The following FARS2 variants were observed in gnomAD, a reference collection of about 807,000 sequenced individuals.
FARS2 encodes phenylalanyl-tRNA synthetase 2, mitochondrial, also known as phenylalanine--tRNA ligase, mitochondrial.
In FARS2, 40 loss-of-function variants were observed where a neutral mutation model predicts 46.4. The observed-to-expected ratio is 0.86, with a 90% CI of 0.67 to 1.12. The LOEUF (loss-of-function observed/expected upper bound fraction) is 1.12, where lower values mean the gene tolerates loss of function less well. Among genes scored for constraint, FARS2 ranks in the 50% most tolerant of loss-of-function variants. The pLI, the probability that FARS2 is intolerant of heterozygous loss-of-function variation, is 0.00. For synonymous variants in FARS2, 234 were observed against 214.9 expected, an observed-to-expected ratio of 1.09 and a Z score of -0.78; for missense variants, 513 against 567.9, an observed-to-expected ratio of 0.90 and a Z score of 0.98.
At chr6:5,650,699 G>A (rs2150758588) in intron 6 of FARS2, among the ~76,000 whole-genome samples, 1 of 152,098 alleles carries the variant, frequency 6.6e-6, no homozygotes, top group East Asian at 1.9e-4. Flanking sequence ...GGATGGTCTC[G>A]ATCTCCTCAC....
chr6:5,744,329 C>G (rs1248915574), intron 6 of FARS2, among the ~76,000 whole-genome samples: 3 of 152,192 alleles, frequency 2.0e-5, no homozygotes, highest in Non-Finnish European at 4.4e-5. Flanking sequence ...AGTTCTGCAT[C>G]CTTTGAAGCT....
chr6:5,379,305 G>T (rs1488100936), intron 2 of FARS2, among the ~76,000 whole-genome samples: 1 of 152,208 alleles, frequency 6.6e-6, no homozygotes, highest in Non-Finnish European at 1.5e-5. Context: ...TGCTTGTCTA[G>T]TTGGGTATTC....
chr6:5,294,589 G>A (rs1207070433), intron 1 of FARS2, among the ~76,000 whole-genome samples: 1 of 152,166 alleles, frequency 6.6e-6, no homozygotes, highest in Non-Finnish European at 1.5e-5. Flanking sequence ...ACAAGTCCTG[G>A]CCTCTTGAAC....
intron 6 of FARS2, among the ~76,000 whole-genome samples, chr6:5,649,759 T>C (rs1438957633): frequency 3.3e-5 from 5 of 152,170 alleles, no homozygotes; most frequent in African/African-American, 1.2e-4. Context: ...CCAGTCCATG[T>C]GATTCTAGAG....
chr6:5,676,451 A>T (rs996539833), intron 6 of FARS2, among the ~76,000 whole-genome samples: 1 of 152,326 alleles, frequency 6.6e-6, no homozygotes, highest in African/African-American at 2.4e-5. Flanking sequence ...TTTATTGCAC[A>T]TGCCTGTGGT....
chr6:5,447,756 T>A (rs976192064), intron 4 of FARS2, among the ~76,000 whole-genome samples: 2 of 152,204 alleles, frequency 1.3e-5, no homozygotes, highest in African/African-American at 4.8e-5. Context: ...GTAGGGAGGC[T>A]GAGTAGCATT....
chr6:5,636,799 G>A (rs1162745440), intron 6 of FARS2, among the ~76,000 whole-genome samples: 1 of 152,196 alleles, frequency 6.6e-6, no homozygotes. Flanking sequence ...GCACAGAGGT[G>A]TCCTGTTTCT....
chr6:5,723,044 T>C (rs966898879), intron 6 of FARS2, among the ~76,000 whole-genome samples: 15 of 151,828 alleles, frequency 9.9e-5, no homozygotes, highest in African/African-American at 3.6e-4. Context: ...GGAGGATGAG[T>C]TGGGGAAGAC....
chr6:5,601,279 T>C lies in FARS2; in HGVS notation c.1066-11890T>C, dbSNP rs183537045. 7.8e-3 allele frequency among the ~76,000 whole-genome samples: 1,189 copies of C among 152,034 alleles called. 7 individuals carry two copies. Among genetic ancestry groups the C allele is most frequent in the South Asian group, 0.016 (75 of 4,786 alleles). On this transcript the variant is annotated intron_variant, in intron 5 of 6. Coordinates refer to ENST00000274680, the MANE Select transcript of FARS2 (RefSeq NM_006567.5). ...GTTCACGCCTGTAATCCCAGCACTT[T>C]GGGAGGCCAAGGCAGGTGGATCACC...
At chr6:5,513,969 GTA>G (rs925126956) in intron 4 of FARS2, among the ~76,000 whole-genome samples, 2 of 151,934 alleles carry the variant, frequency 1.3e-5, no homozygotes, top group African/African-American at 4.8e-5. Flanking sequence ...ATGCACTGTT[GTA>G]TCTCTTCATT....
chr6:5,501,465 G>A (rs967204666), intron 4 of FARS2, among the ~76,000 whole-genome samples: 10 of 151,758 alleles, frequency 6.6e-5, no homozygotes, highest in East Asian at 3.9e-4. Context: ...CATTGTCTTG[G>A]GGTTCTCATT....
chr6:5,739,561 C>T (rs1761186766), intron 6 of FARS2, among the ~76,000 whole-genome samples: 1 of 152,120 alleles, frequency 6.6e-6, no homozygotes, highest in Non-Finnish European at 1.5e-5. Flanking sequence ...GCCCAGTGGC[C>T]TGTGTGTAGG....
chr6:5,495,539 A>C (rs1329046344), intron 4 of FARS2, among the ~76,000 whole-genome samples: 2 of 152,220 alleles, frequency 1.3e-5, no homozygotes, highest in African/African-American at 4.8e-5. Context: ...GCAAAAAAAG[A>C]ATCTGGAGCT....
intron 1 of FARS2, among the ~76,000 whole-genome samples, chr6:5,347,093 T>C (rs2127599821): frequency 6.6e-6 from 1 of 152,250 alleles, no homozygotes. Flanking sequence ...TTTGTATTTT[T>C]AGTAGAGATG....
intron 1 of FARS2, among the ~76,000 whole-genome samples, chr6:5,347,916 C>G (rs1167776998): frequency 6.6e-6 from 1 of 152,114 alleles, no homozygotes; most frequent in Non-Finnish European, 1.5e-5. Context: ...CTTTTATTTG[C>G]ATTTCTCTGC....
At chr6:5,675,908 A>G (rs1462989877) in intron 6 of FARS2, among the ~76,000 whole-genome samples, 1 of 152,168 alleles carries the variant, frequency 6.6e-6, no homozygotes, top group African/African-American at 2.4e-5. Flanking sequence ...ATATTGAACA[A>G]CGTCTCGGTC....
At chr6:5,681,767 C>G (rs1489510505) in intron 6 of FARS2, among the ~76,000 whole-genome samples, 1 of 152,158 alleles carries the variant, frequency 6.6e-6, no homozygotes, top group African/African-American at 2.4e-5. Flanking sequence ...TCTCAGCTTC[C>G]TTAGAGCTGT....
intron 6 of FARS2, among the ~76,000 whole-genome samples, chr6:5,723,769 C>G (rs973237193): frequency 6.6e-6 from 1 of 152,180 alleles, no homozygotes; most frequent in Non-Finnish European, 1.5e-5. Flanking sequence ...TATGATTGTT[C>G]TTTGAACAAG....
chr6:5,457,933 T>C (rs1238294135), intron 4 of FARS2: 4 of 152,244 alleles, frequency 2.6e-5, no homozygotes, highest in African/African-American at 9.6e-5. Context: ...ATGCTTTGTT[T>C]GCTGAAAAGC....
Sources: gnomAD v4.1 joint callset for allele counts (sites outside exome capture counted in the v4.1 genomes callset) on GRCh38, gnomAD v4.1.1 for gene constraint, MANE v1.5 for transcripts, NCBI Gene and HGNC (gene_info 2026-07-23, HGNC 2026-07-21) for gene names.